PRKN: variants seen among roughly 807,000 people sequenced by gnomAD.
PRKN encodes parkin RBR E3 ubiquitin protein ligase, also known as E3 ubiquitin-protein ligase parkin.
Under a neutral mutation model 59.5 loss-of-function variants are expected in PRKN, and 56 were observed. That is an observed-to-expected ratio of 0.94 (90% CI 0.76 to 1.18). The LOEUF (loss-of-function observed/expected upper bound fraction) is 1.18. PRKN is among the 50% of genes most tolerant of loss of function. The pLI, the probability that PRKN is intolerant of heterozygous loss-of-function variation, is 0.00. For synonymous variants in PRKN, 250 were observed against 222.1 expected (o/e 1.13, Z -1.12); for missense variants, 657 against 596.4 (o/e 1.10, Z -1.06).
chr6:162,537,783 T>C (rs1449733031), intron 1 of PRKN, among the ~76,000 whole-genome samples: 2 of 152,200 alleles, frequency 1.3e-5, no homozygotes, highest in South Asian at 2.1e-4. Context: ...TCCATCTCCA[T>C]GTCAACTGTT....
intron 4 of PRKN, among the ~76,000 whole-genome samples, chr6:162,095,056 A>C (rs1779669470): frequency 6.6e-6 from 1 of 152,150 alleles, no homozygotes; most frequent in Non-Finnish European, 1.5e-5. Context: ...CTATGAAGAA[A>C]AACAAAGAAG....
At chr6:162,375,804 T>A (rs1053252698) in intron 2 of PRKN, among the ~76,000 whole-genome samples, 4 of 151,728 alleles carry the variant, frequency 2.6e-5, no homozygotes, top group African/African-American at 9.7e-5. Flanking sequence ...TATATATACA[T>A]ATATATACAT....
chr6:162,396,306 T>C (rs1787472662), intron 2 of PRKN, among the ~76,000 whole-genome samples: 1 of 152,214 alleles, frequency 6.6e-6, no homozygotes, highest in African/African-American at 2.4e-5. Context: ...TTCCTCGTGT[T>C]TGAACAGGAG....
chr6:161,662,385 C>A (rs1327720695), intron 7 of PRKN, among the ~76,000 whole-genome samples: 1 of 152,070 alleles, frequency 6.6e-6, no homozygotes, highest in Non-Finnish European at 1.5e-5. Flanking sequence ...GGAGAATGGA[C>A]TTTGTTGTTT....
At chr6:162,438,799 C>CA (rs1789904876) in intron 2 of PRKN, among the ~76,000 whole-genome samples, 1 of 152,146 alleles carries the variant, frequency 6.6e-6, no homozygotes, top group Non-Finnish European at 1.5e-5. Flanking sequence ...TAGATTCACT[C>CA]AGCTTTATAA....
chr6:162,295,289 A>T (rs866715344), intron 2 of PRKN, among the ~76,000 whole-genome samples: 1 of 152,192 alleles, frequency 6.6e-6, no homozygotes, highest in East Asian at 1.9e-4. Context: ...CAAAATAATG[A>T]ATCAGTTCAG....
intron 6 of PRKN, among the ~76,000 whole-genome samples, chr6:161,900,675 TATATA>T (rs898024231): frequency 1.6e-4 from 21 of 130,858 alleles, no homozygotes; most frequent in African/African-American, 3.8e-4. Context: ...ATATATGTTA[TATATA>T]ATATATTATA....
chr6:161,365,386 G>A (rs1055627244), intron 10 of PRKN, among the ~76,000 whole-genome samples: 2 of 152,132 alleles, frequency 1.3e-5, no homozygotes, highest in Admixed American at 1.3e-4. Context: ...CACACCTAAA[G>A]CCTTTGTTAC....
chr6:162,021,202 T>C (rs1783169927), intron 5 of PRKN, among the ~76,000 whole-genome samples: 1 of 141,322 alleles, frequency 7.1e-6, no homozygotes. Flanking sequence ...ATATAATATA[T>C]ATAATATATA....
In PRKN at chr6:162,096,848, A is replaced by ATTTTTTT. The variant is rs71004079; in HGVS notation, c.535-42681_535-42675dup. Among the ~76,000 whole-genome samples the ATTTTTTT allele has an allele frequency of 9.8e-4, 48 of 49,206 alleles. 7 individuals are homozygous for ATTTTTTT. Among genetic ancestry groups the ATTTTTTT allele is most frequent in the African/African-American group, 3.2e-3 (36 of 11,240 alleles). The allele number at this position is 49,206 out of a possible 152,430, so 32.3% of individuals were successfully genotyped here. A position where few individuals can be genotyped will look rare whatever the true frequency, so the allele number is the denominator to read the frequency against. On this transcript the variant is annotated intron_variant, in intron 4 of 11. Coordinates refer to ENST00000366898, the MANE Select transcript of PRKN (RefSeq NM_004562.3). ...GTGAGAATGGACTCATACAGCTGGA[A>ATTTTTTT]TTTTTTTTTTTTTTTTTTTTTTTTT...
intron 1 of PRKN, among the ~76,000 whole-genome samples, chr6:162,669,434 A>AGAATTAAG: frequency 6.6e-6 from 1 of 152,296 alleles, no homozygotes; most frequent in East Asian, 1.9e-4. Flanking sequence ...GCTAAACTTT[A>AGAATTAAG]GAATTAAGGA....
intron 1 of PRKN, among the ~76,000 whole-genome samples, chr6:162,587,229 G>T (rs188290686): frequency 8.7e-4 from 132 of 152,188 alleles, no homozygotes; most frequent in Non-Finnish European, 1.1e-3. Context: ...TCTGCCTCCT[G>T]GGTTCAGGCA....
chr6:162,432,084 G>A (rs1008132260), intron 2 of PRKN, among the ~76,000 whole-genome samples: 2 of 152,024 alleles, frequency 1.3e-5, no homozygotes, highest in Non-Finnish European at 2.9e-5. Context: ...CAGTGAACAG[G>A]GCTGAATAAC....
intron 4 of PRKN, among the ~76,000 whole-genome samples, chr6:162,177,443 A>G (rs951801535): frequency 7.9e-5 from 12 of 152,196 alleles, no homozygotes; most frequent in Middle Eastern, 3.2e-3. Flanking sequence ...TTATATAATG[A>G]GAGTGCATTG....
intron 7 of PRKN, among the ~76,000 whole-genome samples, chr6:161,677,800 T>G (rs1035971088): frequency 6.6e-6 from 1 of 152,210 alleles, no homozygotes; most frequent in African/African-American, 2.4e-5. Context: ...GGTGCTTGAC[T>G]TGAATCAGTG....
chr6:162,052,196 A>C (rs1028124476), intron 5 of PRKN, among the ~76,000 whole-genome samples: 1 of 152,062 alleles, frequency 6.6e-6, no homozygotes. Context: ...TTTCAGATCT[A>C]AGTTCTATTT....
intron 1 of PRKN, among the ~76,000 whole-genome samples, chr6:162,489,213 C>T (rs1268235466): frequency 6.6e-6 from 1 of 152,114 alleles, no homozygotes; most frequent in Non-Finnish European, 1.5e-5. Flanking sequence ...CAAATTTACT[C>T]CAATGCACAA....
chr6:162,229,828 T>G (rs538559512), intron 3 of PRKN, among the ~76,000 whole-genome samples: 1 of 152,320 alleles, frequency 6.6e-6, no homozygotes, highest in East Asian at 1.9e-4. Flanking sequence ...TTCGATCTGT[T>G]TGACATTTCT....
chr6:162,285,190 A>T (rs1781124481), intron 2 of PRKN, among the ~76,000 whole-genome samples: 2 of 151,506 alleles, frequency 1.3e-5, no homozygotes, highest in Non-Finnish European at 2.9e-5. Flanking sequence ...TACAAGAATT[A>T]TACAACATTT....
Sources: gnomAD v4.1 joint callset for allele counts (sites outside exome capture counted in the v4.1 genomes callset) on GRCh38, gnomAD v4.1.1 for gene constraint, MANE v1.5 for transcripts, NCBI Gene and HGNC (gene_info 2026-07-23, HGNC 2026-07-21) for gene names.